The following SVOP variants were observed in gnomAD, a reference collection of about 807,000 sequenced individuals.
SVOP encodes the protein SV2 related protein, also known as synaptic vesicle 2-related protein.
A neutral mutation model predicts 69.1 loss-of-function variants in SVOP; 17 were observed. The ratio of observed to expected loss-of-function variants is 0.25; its 90% CI spans 0.17 to 0.37. The LOEUF (loss-of-function observed/expected upper bound fraction) is 0.37, where lower values mean the gene tolerates loss of function less well. SVOP is among the 10% of genes least tolerant of loss of function. The pLI is 1.00. For missense variants in SVOP, 435 were observed against 597.5 expected (o/e 0.73, Z 2.84); for synonymous variants, 238 against 238.6 (o/e 1.00, Z 0.02).
At chr12:108,954,063 G>A (rs1419452560) in intron 6 of SVOP, among the ~76,000 whole-genome samples, 3 of 128,164 alleles carry the variant, frequency 2.3e-5, no homozygotes, top group African/African-American at 9.1e-5. Flanking sequence ...AGTGAGCCGA[G>A]ATATCACACC....
chr12:108,983,527 C>T, intron 2 of SVOP, 74 bp downstream of exon 2: 1 of 398,664 alleles, frequency 2.5e-6, no homozygotes, highest in Non-Finnish European at 4.4e-6. Context: ...CACATTACCC[C>T]TCTGAAATTG....
intron 6 of SVOP, among the ~76,000 whole-genome samples, chr12:108,947,351 ATCTATC>A (rs1047949277): frequency 6.6e-6 from 1 of 151,954 alleles, no homozygotes; most frequent in African/African-American, 2.4e-5. Flanking sequence ...CTGTCTATCT[ATCTATC>A]TCTATCTTAC....
chr12:108,919,718 T>A lies in SVOP; in HGVS notation c.1225A>T (p.Ile409Phe). Reference protein sequence around the residue: ...RKKTMALCFVIFSFCSLLLFI... With the variant: ...RKKTMALCFVFFSFCSLLLFI... ...AGCAGGAGGCTGCAGAAGGAGAAGATGACAAAGCACAGGGCCATGGTCTTC... is the reference window on the plus strand; with the variant it reads ...AGCAGGAGGCTGCAGAAGGAGAAGAAGACAAAGCACAGGGCCATGGTCTTC... The change falls in exon 13 of 16, where the codon ATC becomes TTC. Residue 409 changes from isoleucine to phenylalanine, a missense_variant. Transcript: ENST00000610966. 4.4e-6 allele frequency: 7 copies of A among 1,608,438 alleles called. No individual in the cohort carries two copies. Among genetic ancestry groups the A allele is most frequent in the Non-Finnish European group, 5.9e-6 (7 of 1,177,308 alleles).
intron 1 of SVOP, among the ~76,000 whole-genome samples, chr12:109,014,459 G>A (rs1238840978): frequency 2.6e-5 from 4 of 152,154 alleles, no homozygotes; most frequent in South Asian, 2.1e-4. Context: ...CATGGGCATG[G>A]GTTTTCATGT....
intron 10 of SVOP, chr12:108,937,031 C>T (rs1349165626): frequency 5.9e-6 from 3 of 506,154 alleles, no homozygotes; most frequent in Non-Finnish European, 1.1e-5. Flanking sequence ...CACTGCACTC[C>T]AGCCTGCACG....
At chr12:108,972,659 G>A (rs901266798) in intron 4 of SVOP, among the ~76,000 whole-genome samples, 183 bp from the exon 5 acceptor site, 1 of 152,268 alleles carries the variant, frequency 6.6e-6, no homozygotes, top group African/African-American at 2.4e-5. Flanking sequence ...CCCATGGGGA[G>A]GGTGCTATTA....
At chr12:108,924,035 G>A (rs1441870151) in intron 11 of SVOP, among the ~76,000 whole-genome samples, 2 of 152,186 alleles carry the variant, frequency 1.3e-5, no homozygotes, top group African/African-American at 4.8e-5. Context: ...AAGTGATTAA[G>A]TCATGAAGGC....
chr12:108,955,427 C>A (rs562940662), intron 6 of SVOP, among the ~76,000 whole-genome samples: 1 of 152,174 alleles, frequency 6.6e-6, no homozygotes, highest in African/African-American at 2.4e-5. Context: ...TTTATGGCTG[C>A]GGCTCCATTA....
Position 108,978,597 on chromosome 12 carries a change from A to G in SVOP, c.263T>C (p.Val88Ala). Residue 88 changes from valine to alanine, a missense_variant, in exon 3 of 16, where the codon GTT becomes GCT. Coordinates refer to ENST00000610966, the MANE Select transcript of SVOP (RefSeq NM_018711.5). ...ACTTGCCCAAGCCAAGCCAGTGAGA[A>G]CAGACAGCTTCCACTGAAATTTTCC... ...GFGKFQWKLS[V>A]LTGLAWMADA... 1.4e-6 allele frequency: 1 copy of G among 704,040 alleles called. No homozygotes were observed. The highest frequency in any genetic ancestry group is 2.6e-6 in the Non-Finnish European group (1 of 384,960). 43.6% of individuals were successfully genotyped at this position (704,040 alleles called of 1,614,324 possible).
chr12:108,979,676 G>A (rs546394431), intron 2 of SVOP, among the ~76,000 whole-genome samples: 7 of 152,246 alleles, frequency 4.6e-5, no homozygotes, highest in Admixed American at 1.3e-4. Context: ...ATGTATATAC[G>A]TGTGTGTGTG....
intron 2 of SVOP, among the ~76,000 whole-genome samples, chr12:108,982,651 C>CATCATCATGATCACCATCATT (rs2040143759): frequency 6.6e-6 from 1 of 151,068 alleles, no homozygotes; most frequent in Non-Finnish European, 1.5e-5. Context: ...TCACCATCAC[C>CATCATCATGATCACCATCATT]ATCATCATGA....
At position 108,919,921 on chromosome 12, in the gene SVOP, G is replaced by C. The variant is rs2039738467; in HGVS notation, c.1157-135C>G. The C allele has an allele frequency of 8.4e-6, 5 of 595,934 alleles. No individual in the cohort carries two copies. In the South Asian group the frequency reaches 9.8e-5, roughly 12 times the overall value. 36.9% of individuals were successfully genotyped at this position (595,934 alleles called of 1,614,324 possible). On this transcript the variant is annotated intron_variant, in intron 12 of 15. Coordinates refer to ENST00000610966, the MANE Select transcript of SVOP (RefSeq NM_018711.5). ...AGTGACTCACTTCTAATGACTAGAA[G>C]ACAGCAAAAGTGATAAGGTGTCACT... is the stretch of plus-strand genomic sequence containing the variant.
chr12:108,990,680 T>C (rs755046468), intron 1 of SVOP, among the ~76,000 whole-genome samples: 151 of 5,562 alleles, frequency 0.027, no homozygotes, highest in Middle Eastern at 0.25. Context: ...TAAAATAAAA[T>C]AAAACAAAAC....
At position 109,016,744 on chromosome 12, in the gene SVOP, CTT is replaced by C. The variant is rs34685990; in HGVS notation, c.35+4088_35+4089del. Among the ~76,000 whole-genome samples the C allele has an allele frequency of 4.1e-3, 542 of 133,390 alleles. 2 individuals are homozygous for C. Among genetic ancestry groups the C allele is most frequent in the African/African-American group, 0.011 (381 of 34,192 alleles). 87.5% of individuals were successfully genotyped at this position (133,390 alleles called of 152,430 possible). ...TCCTTACCTGTACCCTGCATTAGTT[CTT>C]TTTTTTTTTTTTTTGAGACAGGATC... On this transcript the variant is annotated intron_variant, in intron 1 of 15. Coordinates refer to ENST00000610966, the MANE Select transcript of SVOP (RefSeq NM_018711.5).
At chr12:109,011,394 A>G (rs912777536) in intron 1 of SVOP, among the ~76,000 whole-genome samples, 1 of 152,204 alleles carries the variant, frequency 6.6e-6, no homozygotes, top group Non-Finnish European at 1.5e-5. Context: ...GGCTATTACA[A>G]TAACTCCCTA....
In SVOP at chr12:108,954,113, CAAA is replaced by C. The variant is rs760331681; in HGVS notation, c.578+6807_578+6809del. ...TGGGTGACAGAGTAAGAATCTGTCT[CAAA>C]AAAAAAAAAAAAAAAAAAAGCTATT... On this transcript the variant is annotated intron_variant, in intron 6 of 15. Coordinates refer to ENST00000610966, the MANE Select transcript of SVOP (RefSeq NM_018711.5). Among the ~76,000 whole-genome samples, 317 of 61,988 alleles carry C rather than the reference CAAA, an allele frequency of 5.1e-3. 1 individual carries two copies. The highest frequency in any genetic ancestry group is 0.017 in the African/African-American group (306 of 18,104). 40.7% of individuals were successfully genotyped at this position (61,988 alleles called of 152,430 possible).
chr12:109,014,052 G>C (rs2040355955), intron 1 of SVOP, among the ~76,000 whole-genome samples: 1 of 132,462 alleles, frequency 7.5e-6, no homozygotes, highest in Non-Finnish European at 1.5e-5. Context: ...GTCCCACTCT[G>C]CTGCCCAGGC....
At chr12:108,984,805 G>C (rs1023918611) in intron 1 of SVOP, among the ~76,000 whole-genome samples, 3 of 152,142 alleles carry the variant, frequency 2.0e-5, no homozygotes, top group Admixed American at 2.0e-4. Flanking sequence ...CCAGCCCTAG[G>C]GTGGGTTTTG....
intron 9 of SVOP, among the ~76,000 whole-genome samples, chr12:108,937,801 T>C (rs149110740): frequency 9.8e-5 from 15 of 152,376 alleles, no homozygotes; most frequent in African/African-American, 3.6e-4. Flanking sequence ...AAATGACCGA[T>C]TGGCCAATTT....
Sources: gnomAD v4.1 joint callset for allele counts (sites outside exome capture counted in the v4.1 genomes callset) on GRCh38, gnomAD v4.1.1 for gene constraint, MANE v1.5 for transcripts, NCBI Gene and HGNC (gene_info 2026-07-23, HGNC 2026-07-21) for gene names.